The following B4GALNT1 variants were observed in gnomAD, a reference collection of about 807,000 sequenced individuals.
The protein encoded by B4GALNT1 is beta-1,4 N-acetylgalactosaminyltransferase 1.
Under a neutral mutation model 55.2 loss-of-function variants are expected in B4GALNT1, and 43 were observed. That is an observed-to-expected ratio of 0.78 (90% CI 0.61 to 1.00). The LOEUF (loss-of-function observed/expected upper bound fraction) is 1.00, where lower values mean the gene tolerates loss of function less well. Ranked by LOEUF, B4GALNT1 falls within the 50% of genes least tolerant of loss-of-function variation. B4GALNT1 has a pLI of 0.00. For missense variants in B4GALNT1, 664 were observed against 729.7 expected, an observed-to-expected ratio of 0.91 and a Z score of 1.04; for synonymous variants, 305 against 311.6, an observed-to-expected ratio of 0.98 and a Z score of 0.22.
At position 57,624,633 on chromosome 12, in the gene B4GALNT1, G is replaced by A. The variant is rs752141821; in HGVS notation, c.*2111C>T. On this transcript the variant is annotated 3_prime_UTR_variant, in exon 11 of 11. Coordinates refer to ENST00000341156, the MANE Select transcript of B4GALNT1 (RefSeq NM_001478.5). ...TGGGCATAGAGATGAGTGGAGTTGA[G>A]GTCGGGGCAGGGGAAGAGAATGAGG... The A allele has an allele frequency of 1.4e-6, 1 of 713,548 alleles. No homozygotes were observed. The allele number at this position is 713,548 out of a possible 1,614,324, so 44.2% of individuals were successfully genotyped here. A position where few individuals can be genotyped will look rare whatever the true frequency, so the allele number is the denominator to read the frequency against.
At chr12:57,631,719 T>A (rs1212683257) in intron 2 of B4GALNT1, among the ~76,000 whole-genome samples, 196 bp downstream of exon 2, 1 of 152,088 alleles carries the variant, frequency 6.6e-6, no homozygotes, top group African/African-American at 2.4e-5. Flanking sequence ...ATCCCCATCC[T>A]TATCCCCATG....
Position 57,623,931 on chromosome 12 carries a change from C to A in B4GALNT1, c.*2813G>T, listed in dbSNP as rs376956247. 4 of 1,613,576 alleles carry A rather than the reference C, an allele frequency of 2.5e-6. No homozygotes were observed. The highest frequency in any genetic ancestry group is 3.4e-6 in the Non-Finnish European group (4 of 1,179,724). ...TGCCCAAGGTAATGAGCAGAGGAGGCATGAGCATGGCTGGGAGGGGTAGCT... is the reference window on the plus strand; with the variant it reads ...TGCCCAAGGTAATGAGCAGAGGAGGAATGAGCATGGCTGGGAGGGGTAGCT... On this transcript the variant is annotated 3_prime_UTR_variant, in exon 11 of 11. Coordinates refer to ENST00000341156, the MANE Select transcript of B4GALNT1 (RefSeq NM_001478.5).
intron 6 of B4GALNT1, chr12:57,629,685 G>T: frequency 8.3e-7 from 1 of 1,209,442 alleles, no homozygotes; most frequent in African/African-American, 1.5e-5. Context: ...CTGGGGAAGA[G>T]CATTCCAGGC....
At chr12:57,632,292 C>A in intron 1 of B4GALNT1, 159 bp from the exon 2 acceptor site, 3 of 752,080 alleles carry the variant, frequency 4.0e-6, no homozygotes, top group Non-Finnish European at 7.0e-6. Flanking sequence ...CCGCGGTTTT[C>A]CCGGTACCCC....
rs1204604645 is a variant in B4GALNT1 at position 57,631,960 on chromosome 12, G to A, written c.173C>T (p.Pro58Leu). The A allele has an allele frequency of 1.8e-5, 26 of 1,455,908 alleles. No homozygotes were observed. The highest frequency in any genetic ancestry group is 2.2e-5 in the Non-Finnish European group (24 of 1,104,266). The allele number at this position is 1,455,908 out of a possible 1,614,324, so 90.2% of individuals were successfully genotyped here. A position where few individuals can be genotyped will look rare whatever the true frequency, so the allele number is the denominator to read the frequency against. Residue 58 changes from proline (P) to leucine (L), a missense_variant, in exon 2 of 11, where the codon CCC (proline) becomes CTC (leucine). By Grantham distance (98) the Pro-to-Leu change is moderately conservative. Coordinates refer to ENST00000341156, the MANE Select transcript of B4GALNT1 (RefSeq NM_001478.5). ...CCTGACCGGGATGTGTGCGTAGCGG[G>A]GCTCAGGAGCAAGATCTGGCAGCTC... ...RPELPDLAPE[P>L]RYAHIPVRIK...
At position 57,631,322 on chromosome 12, in the gene B4GALNT1, C is replaced by T. The variant is rs372122596; in HGVS notation, c.261G>A (p.Gly87=). 7 of 1,613,854 alleles carry T rather than the reference C, an allele frequency of 4.3e-6. No individual in the cohort carries two copies. The highest frequency in any genetic ancestry group is 1.3e-5 in the African/African-American group (1 of 74,860). Reference sequence around the variant, plus strand: ...GTTTCTGGAAGGGGAGGGGGAGGCCCCCCCCACTGGACTCACAACTGCAGT... The same window carrying T: ...GTTTCTGGAAGGGGAGGGGGAGGCCTCCCCCACTGGACTCACAACTGCAGT... The part of the protein sequence containing the change: ...WNNCSCESSG[G]GLPLPFQKQV... Residue 87 remains glycine, a synonymous_variant, in exon 3 of 11, where the codon GGG becomes GGA. Transcript: ENST00000341156.
Position 57,623,874 on chromosome 12 carries a change from G to C in B4GALNT1, c.*2870C>G, listed in dbSNP as rs1436668701. On this transcript the variant is annotated 3_prime_UTR_variant, in exon 11 of 11. Coordinates refer to ENST00000341156, the MANE Select transcript of B4GALNT1 (RefSeq NM_001478.5). ...TCTCCTGCACAGTGGTCCTGTCGGT[G>C]CTGCTGTGGCTGGGGCCCTTCTTTT... is the stretch of plus-strand genomic sequence containing the variant. 23 of 1,614,120 alleles carry C rather than the reference G, an allele frequency of 1.4e-5. No homozygotes were observed. Among genetic ancestry groups the C allele is most frequent in the Middle Eastern group, 1.6e-4 (1 of 6,062 alleles).
At chr12:57,628,335 C>A in intron 8 of B4GALNT1, 73 bp from the exon 9 acceptor site, 2 of 1,593,768 alleles carry the variant, frequency 1.3e-6, no homozygotes, top group East Asian at 2.2e-5. Context: ...TTCTTTCTCT[C>A]CCCCGACCCT....
Position 57,626,900 on chromosome 12 carries a change from A to AT in B4GALNT1, c.1445dup (p.Asp482GlufsTer82), listed in dbSNP as rs1340636078. ...AAGGCAGCTTCAGTTTGGATGCATG[A>AT]TCCACCACGACGTCGGAGCAGGAGC... On this transcript the variant is annotated frameshift_variant, in exon 11 of 11. Coordinates refer to ENST00000341156, the MANE Select transcript of B4GALNT1 (RefSeq NM_001478.5). LOFTEE classifies it high-confidence loss of function. The AT allele has an allele frequency of 6.2e-7, 1 of 1,614,056 alleles. No homozygotes were observed. The highest frequency in any genetic ancestry group is 8.5e-7 in the Non-Finnish European group (1 of 1,180,028).
rs368770259 is a variant in B4GALNT1, at chr12:57,625,418, C to T, written c.*1326G>A. The T allele has an allele frequency of 6.2e-7, 1 of 1,614,066 alleles. No individual in the cohort carries two copies. The highest frequency in any genetic ancestry group is 1.3e-5 in the African/African-American group (1 of 74,922). ...TTGCCCCATCCCTGCAGCTGGCCAG[C>T]CGATGTCGAGATGCTAGGATCCGCC... On this transcript the variant is annotated 3_prime_UTR_variant, in exon 11 of 11. Coordinates refer to ENST00000341156, the MANE Select transcript of B4GALNT1 (RefSeq NM_001478.5).
Position 57,626,909 on chromosome 12 carries a change from G to T in B4GALNT1, c.1437C>A (p.Val479=). The T allele has an allele frequency of 1.2e-6, 2 of 1,614,210 alleles. No homozygotes were observed. The highest frequency in any genetic ancestry group is 1.7e-6 in the Non-Finnish European group (2 of 1,180,034). ...GSLRVGSCSD[V]VVDHASKLKL... is the part of the protein sequence containing the mutation. ...TCAGTTTGGATGCATGATCCACCAC[G>T]ACGTCGGAGCAGGAGCCAACCCGAA... The change falls in exon 11 of 11, where the codon GTC becomes GTA. Residue 479 remains valine (V), a synonymous_variant. Coordinates refer to ENST00000341156, the MANE Select transcript of B4GALNT1 (RefSeq NM_001478.5).
chr12:57,625,080 A>T lies in B4GALNT1; in HGVS notation c.*1664T>A. On this transcript the variant is annotated 3_prime_UTR_variant, in exon 11 of 11. Transcript: ENST00000341156. ...CCTTGTGCTCAAGGGGTGCATGTTC[A>T]TGCTGTGTTTCGGGAGTGGTGACTG... 38 of 1,614,112 alleles carry T rather than the reference A, an allele frequency of 2.4e-5. No individual in the cohort carries two copies. The highest frequency in any genetic ancestry group is 3.2e-5 in the Non-Finnish European group (38 of 1,180,012).
At chr12:57,627,018 G>C in intron 10 of B4GALNT1, 57 bp from the exon 11 acceptor site, 1 of 1,448,806 alleles carries the variant, frequency 6.9e-7, no homozygotes, top group Non-Finnish European at 9.6e-7. Context: ...AGGCCGACTG[G>C]TAAGGGAGAA....
At position 57,630,967 on chromosome 12, in the gene B4GALNT1, C is replaced by T. The variant is rs1885162704; in HGVS notation, c.490+13G>A. ...CTGTGGCTGAGGTCATCCTCTGGGA[C>T]CCTCCTCCCTACCTGGCACCAAGAT... is the stretch of plus-strand genomic sequence containing the variant. On this transcript the variant is annotated intron_variant, in intron 4 of 10. Transcript: ENST00000341156. 2 of 1,609,032 alleles carry T rather than the reference C, an allele frequency of 1.2e-6. No individual in the cohort carries two copies. The highest frequency in any genetic ancestry group is 1.7e-6 in the Non-Finnish European group (2 of 1,176,894).
chr12:57,630,193 G>A lies in B4GALNT1; in HGVS notation c.671C>T (p.Thr224Ile). ...GGTCTGGTAGCTTCGGCTGCTGTAA[G>A]TGACCAGTTGTAGTTGCCTGTTGAG... ...DQLNRQLQLV[T>I]YSSRSYQTNT... The change falls in exon 6 of 11, where the codon ACT (threonine) becomes ATT (isoleucine). Residue 224 changes from threonine to isoleucine, a missense_variant. Coordinates refer to ENST00000341156, the MANE Select transcript of B4GALNT1 (RefSeq NM_001478.5). The A allele has an allele frequency of 2.5e-6, 4 of 1,614,218 alleles. No individual in the cohort carries two copies. Among genetic ancestry groups the A allele is most frequent in the South Asian group, 1.1e-5 (1 of 91,088 alleles).
chr12:57,627,162 G>A (rs559728425), intron 10 of B4GALNT1, among the ~76,000 whole-genome samples: 3 of 152,170 alleles, frequency 2.0e-5, no homozygotes, highest in Admixed American at 6.5e-5. Context: ...TTTGAAAATC[G>A]AAAAACCTAC....
chr12:57,631,133 G>T (rs942118034), intron 3 of B4GALNT1, 47 bp from the exon 4 acceptor site: 2 of 1,606,032 alleles, frequency 1.2e-6, no homozygotes, highest in African/African-American at 1.3e-5. Context: ...GGGGGAGAGG[G>T]TCTCTCCCTC....
Position 57,625,210 on chromosome 12 carries a change from G to A in B4GALNT1, c.*1534C>T, listed in dbSNP as rs374374886. 33 of 1,613,990 alleles carry A rather than the reference G, an allele frequency of 2.0e-5. No homozygotes were observed. In the African/African-American group the frequency reaches 4.3e-4, roughly 21 times the overall value. On this transcript the variant is annotated 3_prime_UTR_variant, in exon 11 of 11. Transcript: ENST00000341156. ...TGGGCATGTTGCATGGTGACACCTG[G>A]GTACTCCTGTCTTCTCCCATTCTAG...
chr12:57,629,673 A>G (rs1410295635), intron 6 of B4GALNT1: 2 of 1,109,258 alleles, frequency 1.8e-6, no homozygotes, highest in East Asian at 5.3e-5. Flanking sequence ...GTCTGCAAAA[A>G]TCTGGGGAAG....
Sources: allele counts gnomAD v4.1 joint callset (sites outside exome capture counted in the v4.1 genomes callset), GRCh38; gene constraint gnomAD v4.1.1; transcripts MANE v1.5; gene names NCBI Gene and HGNC (gene_info 2026-07-23, HGNC 2026-07-21).